The following TAB3 variants were observed in gnomAD, a reference collection of about 807,000 sequenced individuals.
TAB3 encodes TGF-beta-activated kinase 1 and MAP3K7-binding protein 3.
Under a neutral mutation model 48.1 loss-of-function variants are expected in TAB3, and 18 were observed. That is an observed-to-expected ratio of 0.37 (90% CI 0.26 to 0.55). TAB3 has a LOEUF of 0.55. TAB3 is among the 20% of genes least tolerant of loss of function. The probability of loss-of-function intolerance (pLI) is 0.78; values close to 1 mark genes in which losing one functional copy is unlikely to be tolerated. For missense variants in TAB3, 414 were observed against 549.8 expected, an observed-to-expected ratio of 0.75 and a Z score of 2.47; for synonymous variants, 185 against 190.2, an observed-to-expected ratio of 0.97 and a Z score of 0.22.
chrX:30,837,285 G>A (rs1938268403), intron 9 of TAB3, among the ~76,000 whole-genome samples: 1 of 109,688 alleles, frequency 9.1e-6, no homozygotes, highest in Non-Finnish European at 1.9e-5. Context: ...CAGACCTCAA[G>A]TGATCCTCCC....
chrX:30,888,371 G>A (rs111397909), intron 1 of TAB3, among the ~76,000 whole-genome samples: 6,889 of 112,234 alleles, frequency 0.061, 497 homozygotes, highest in African/African-American at 0.21. Flanking sequence ...ATTTAAATAA[G>A]TTACATTTCA....
At position 30,834,583 on chromosome X, in the gene TAB3, A is replaced by G. The variant is rs150296533; in HGVS notation, c.1889-431T>C. The G allele has an allele frequency of 3.1e-3, 354 of 113,484 alleles. 11 individuals are homozygous for G. The highest frequency in any genetic ancestry group is 0.03 in the Admixed American group (324 of 10,772). 9.4% of individuals were successfully genotyped at this position (113,484 alleles called of 1,213,427 possible). Reference sequence around the variant, plus strand: ...CTATCCATACAGTAAGGCTATTACAATGATGAAATGTGATGAAAATGACAG... The same window carrying G: ...CTATCCATACAGTAAGGCTATTACAGTGATGAAATGTGATGAAAATGACAG... On this transcript the variant is annotated intron_variant, in intron 9 of 10. Transcript: ENST00000288422.
intron 1 of TAB3, among the ~76,000 whole-genome samples, chrX:30,885,506 G>A (rs1940105222): frequency 9.0e-6 from 1 of 111,693 alleles, no homozygotes; most frequent in African/African-American, 3.3e-5. Flanking sequence ...CACAGACCTC[G>A]GCTTCCACTA....
At chrX:30,882,323 A>G (rs189094042) in intron 1 of TAB3, among the ~76,000 whole-genome samples, 13 of 112,849 alleles carry the variant, frequency 1.2e-4, no homozygotes, top group Non-Finnish European at 2.3e-4. Context: ...ATTCATTTCA[A>G]TTAGCTTCTA....
chrX:30,847,319 T>C (rs996864398), intron 7 of TAB3, among the ~76,000 whole-genome samples: 32 of 109,821 alleles, frequency 2.9e-4, no homozygotes, highest in Non-Finnish European at 4.0e-4. Context: ...ATGAATTCCA[T>C]TTGTTCCCCA....
chrX:30,842,582 T>C (rs1938487822), intron 9 of TAB3, among the ~76,000 whole-genome samples: 1 of 111,567 alleles, frequency 9.0e-6, no homozygotes, highest in African/African-American at 3.3e-5. Flanking sequence ...CATTTCATTA[T>C]TGCCACATTA....
At chrX:30,882,529 T>G (rs1940025217) in intron 1 of TAB3, among the ~76,000 whole-genome samples, 1 of 112,061 alleles carries the variant, frequency 8.9e-6, no homozygotes, top group South Asian at 3.6e-4. Context: ...TCTCTCCTTT[T>G]ATTTCAACCT....
At chrX:30,845,937 A>G in intron 8 of TAB3, 1 of 956,276 alleles carries the variant, frequency 1.0e-6, no homozygotes, top group South Asian at 2.3e-5. Context: ...GCCTACCAGA[A>G]TGCAGCCTAC....
At chrX:30,833,261 A>ATG (rs1938083903) in intron 10 of TAB3, among the ~76,000 whole-genome samples, 3 of 109,210 alleles carry the variant, frequency 2.7e-5, no homozygotes, top group African/African-American at 1.0e-4. Context: ...GAGCCACCGC[A>ATG]CCCGGCCTAC....
intron 2 of TAB3, among the ~76,000 whole-genome samples, chrX:30,868,391 A>AAGCTTT (rs1939508863): frequency 2.9e-5 from 1 of 34,069 alleles, no homozygotes; most frequent in African/African-American, 1.1e-4. Context: ...TATAGCTTAT[A>AAGCTTT]TATATATATA....
chrX:30,839,917 TATATATATA>T (rs1569204402), intron 9 of TAB3, among the ~76,000 whole-genome samples: 17 of 20,950 alleles, frequency 8.1e-4, no homozygotes, highest in Non-Finnish European at 1.1e-3. Flanking sequence ...ATATATATTA[TATATATATA>T]TATATATATA....
At position 30,854,612 on chromosome X, in the gene TAB3, A is replaced by G; in HGVS notation, c.1053T>C (p.Leu351=). The G allele has an allele frequency of 8.3e-7, 1 of 1,211,592 alleles. No homozygotes were observed. Residue 351 remains leucine (L), a synonymous_variant, in exon 6 of 11, where the codon CTT becomes CTC. Coordinates refer to ENST00000288422, the MANE Select transcript of TAB3 (RefSeq NM_152787.5). ...QKQGSHSVAY[L]PYTASSLSKG... ...TGGATAAACTAGATGCTGTGTATGG[A>G]AGATAGGCTACTGAATGGCTTCCCT...
chrX:30,847,045 A>G (rs1424121714), intron 7 of TAB3, among the ~76,000 whole-genome samples: 1 of 111,505 alleles, frequency 9.0e-6, no homozygotes, highest in African/African-American at 3.3e-5. Flanking sequence ...AAAAATTACA[A>G]CAGTACGGTG....
chrX:30,868,303 ATATATATATAGCT>A lies in TAB3; in HGVS notation c.-279-767_-279-755del, dbSNP rs1336523213. ...TTAGTTCTGTTTAGTGAAAAGCTATATATATATATAGCTTATATATATATATATATAAGCTTTT... is the reference window on the plus strand; with the variant it reads ...TTAGTTCTGTTTAGTGAAAAGCTATATATATATATATATATATAAGCTTTT... On this transcript the variant is annotated intron_variant, in intron 2 of 10. Coordinates refer to ENST00000288422, the MANE Select transcript of TAB3 (RefSeq NM_152787.5). Among the ~76,000 whole-genome samples, 16 of 6,875 alleles carry A rather than the reference ATATATATATAGCT, an allele frequency of 2.3e-3. 1 individual carries two copies. The African/African-American group carries it at 0.031, about 13-fold the overall frequency. The allele number at this position is 6,875 out of a possible 115,157, so 6.0% of individuals were successfully genotyped here.
At chrX:30,872,528 A>G (rs755192598) in intron 1 of TAB3, among the ~76,000 whole-genome samples, 2 of 112,211 alleles carry the variant, frequency 1.8e-5, no homozygotes, top group South Asian at 7.4e-4. Flanking sequence ...CTTTATCATA[A>G]GCCTTAGTAA....
chrX:30,846,252 T>C (rs751159258), intron 8 of TAB3: 2 of 318,233 alleles, frequency 6.3e-6, no homozygotes, highest in South Asian at 1.3e-4. Context: ...TACTAAGTTT[T>C]AGAATTAAAA....
At chrX:30,849,534 A>G (rs1199225554) in intron 7 of TAB3, among the ~76,000 whole-genome samples, 1 of 112,879 alleles carries the variant, frequency 8.9e-6, no homozygotes, top group African/African-American at 3.2e-5. Flanking sequence ...AAGTGGGACA[A>G]TGATAAGGCT....
chrX:30,870,223 C>T (rs776485344), intron 2 of TAB3, among the ~76,000 whole-genome samples: 26 of 112,245 alleles, frequency 2.3e-4, no homozygotes, highest in Non-Finnish European at 4.5e-4. Context: ...AGCATCCTCA[C>T]GTACCTATAG....
intron 7 of TAB3, among the ~76,000 whole-genome samples, chrX:30,849,036 T>C (rs985310896): frequency 1.8e-5 from 2 of 111,922 alleles, no homozygotes; most frequent in African/African-American, 6.5e-5. Context: ...AACTGTTCCA[T>C]CTATAAACTC....
Sources: gnomAD v4.1 joint callset for allele counts (sites outside exome capture counted in the v4.1 genomes callset) on GRCh38, gnomAD v4.1.1 for gene constraint, MANE v1.5 for transcripts, NCBI Gene and HGNC (gene_info 2026-07-23, HGNC 2026-07-21) for gene names.